Variants in CCDC3 observed in about 807,000 individuals in gnomAD.
The protein encoded by CCDC3 is coiled-coil domain containing 3, also known as coiled-coil domain-containing protein 3.
A neutral mutation model predicts 21.4 loss-of-function variants in CCDC3; 24 were observed. The ratio of observed to expected loss-of-function variants is 1.12; its 90% confidence interval spans 0.81 to 1.58. The LOEUF (loss-of-function observed/expected upper bound fraction) is 1.58, where lower values mean the gene tolerates loss of function less well. Among genes scored for constraint, CCDC3 ranks in the 40% most tolerant of loss-of-function variants. The pLI is 0.00. For missense variants in CCDC3, 425 were observed against 360.9 expected (o/e 1.18, Z -1.44); for synonymous variants, 186 against 166.0 (o/e 1.12, Z -0.93).
intron 2 of CCDC3, among the ~76,000 whole-genome samples, chr10:12,945,192 C>T (rs756853439): frequency 6.6e-6 from 1 of 152,138 alleles, no homozygotes; most frequent in Non-Finnish European, 1.5e-5. Context: ...ATAGGGTTCA[C>T]AACTGCTTGC....
At chr10:12,983,020 A>C (rs556003831) in intron 2 of CCDC3, among the ~76,000 whole-genome samples, 7 of 149,998 alleles carry the variant, frequency 4.7e-5, no homozygotes, top group Admixed American at 3.3e-4. Context: ...GCTGAGGCAC[A>C]AGAATGGCTT....
At position 12,947,715 on chromosome 10, in the gene CCDC3, G is replaced by A. The variant is rs72777417; in HGVS notation, c.550-49036C>T. On this transcript the variant is annotated intron_variant, in intron 2 of 2. Coordinates refer to ENST00000378825, the MANE Select transcript of CCDC3 (RefSeq NM_031455.4). The stretch of plus-strand genomic sequence containing the variant: ...GACTGAGTAGAATACATTGCTAAGA[G>A]TTGGGCTTAGCAGTAACTAATAAAT... Among the ~76,000 whole-genome samples, 940 of 152,362 alleles carry A rather than the reference G, an allele frequency of 6.2e-3. 3 individuals carry two copies. Among genetic ancestry groups the A allele is most frequent in the Middle Eastern group, 0.017 (5 of 294 alleles).
chr10:12,946,483 A>G (rs545575696), intron 2 of CCDC3, among the ~76,000 whole-genome samples: 1 of 152,298 alleles, frequency 6.6e-6, no homozygotes, highest in South Asian at 2.1e-4. Context: ...TAGGCAGCCA[A>G]CTGATCCGAT....
chr10:12,949,544 C>T (rs1214214480), intron 2 of CCDC3, among the ~76,000 whole-genome samples: 1 of 152,204 alleles, frequency 6.6e-6, no homozygotes, highest in Non-Finnish European at 1.5e-5. Context: ...TAAACATCTA[C>T]CTGAGCCAGT....
intron 1 of CCDC3, among the ~76,000 whole-genome samples, chr10:13,000,300 T>G (rs527448858): frequency 2.5e-4 from 38 of 152,194 alleles, no homozygotes; most frequent in Non-Finnish European, 4.6e-4. Flanking sequence ...ACCAAAGAAT[T>G]TAGAGTTCTA....
intron 2 of CCDC3, among the ~76,000 whole-genome samples, chr10:12,961,838 C>T (rs530439262): frequency 3.3e-5 from 5 of 152,270 alleles, no homozygotes; most frequent in Non-Finnish European, 5.9e-5. Context: ...TAGCTAGCTG[C>T]AGGCTGAACT....
At chr10:13,064,643 G>A (rs543356474) in intron 4 of CCDC3, among the ~76,000 whole-genome samples, 12 of 152,196 alleles carry the variant, frequency 7.9e-5, no homozygotes, top group South Asian at 6.2e-4. Flanking sequence ...AAAATTAGCC[G>A]GGTATGGTGG....
intron 5 of CCDC3, among the ~76,000 whole-genome samples, chr10:13,010,923 T>C (rs1835976710): frequency 6.6e-6 from 1 of 152,186 alleles, no homozygotes. Context: ...GGCTCACGCC[T>C]GTAATCCCAG....
At chr10:12,913,135 A>ACTTCTG (rs1834295945) in intron 2 of CCDC3, among the ~76,000 whole-genome samples, 1 of 152,188 alleles carries the variant, frequency 6.6e-6, no homozygotes, top group African/African-American at 2.4e-5. Flanking sequence ...AAATTCCATT[A>ACTTCTG]AGGTTTTTGA....
intron 2 of CCDC3, among the ~76,000 whole-genome samples, chr10:12,984,034 C>G (rs900048921): frequency 4.6e-5 from 7 of 152,094 alleles, no homozygotes; most frequent in Non-Finnish European, 1.0e-4. Context: ...GAGCCAAGAT[C>G]GTGCCACTGC....
At chr10:12,920,367 A>C (rs1238705497) in intron 2 of CCDC3, among the ~76,000 whole-genome samples, 1 of 152,190 alleles carries the variant, frequency 6.6e-6, no homozygotes, top group African/African-American at 2.4e-5. Context: ...GTGGCAGTAC[A>C]ATTCAAGATG....
At chr10:12,997,711 C>G (rs1311470584) in intron 2 of CCDC3, among the ~76,000 whole-genome samples, 1 of 152,192 alleles carries the variant, frequency 6.6e-6, no homozygotes, top group East Asian at 1.9e-4. Context: ...CAGTCAGGAA[C>G]AGTCGTAACG....
intron 2 of CCDC3, among the ~76,000 whole-genome samples, chr10:12,973,401 T>G (rs11258097): frequency 0.01 from 1,531 of 152,244 alleles, 25 homozygotes; most frequent in East Asian, 0.068. Flanking sequence ...GGGGAAGGCC[T>G]GAGCAATGGA....
chr10:12,945,999 A>C (rs985846800), intron 2 of CCDC3, among the ~76,000 whole-genome samples: 1 of 152,168 alleles, frequency 6.6e-6, no homozygotes, highest in Non-Finnish European at 1.5e-5. Context: ...TCATGGGTGC[A>C]TTGGTTAAGG....
chr10:13,054,259 C>T (rs190179598), intron 4 of CCDC3, among the ~76,000 whole-genome samples: 86 of 152,148 alleles, frequency 5.7e-4, no homozygotes, highest in Admixed American at 2.7e-3. Flanking sequence ...CCTCCAATCA[C>T]CTCATCAGGC....
intron 4 of CCDC3, among the ~76,000 whole-genome samples, chr10:13,058,857 G>A (rs17152780): frequency 0.11 from 17,123 of 152,164 alleles, 1,194 homozygotes; most frequent in Admixed American, 0.17. Flanking sequence ...AGGAAGTCCC[G>A]CAGCTAATTA....
intron 2 of CCDC3, among the ~76,000 whole-genome samples, chr10:12,954,610 G>A (rs2131251398): frequency 6.6e-6 from 1 of 152,270 alleles, no homozygotes; most frequent in African/African-American, 2.4e-5. Flanking sequence ...AGAGAAGGGA[G>A]GCACCAGGCT....
In CCDC3 at chr10:12,897,459, A is replaced by G. The variant is rs550579224; in HGVS notation, c.*957T>C. ...TTTGCATAAAGAAGAAGAGATTGGA[A>G]TGGCTGGAATGAGCCCTTTGGGAGC... On this transcript the variant is annotated 3_prime_UTR_variant, in exon 3 of 3. Transcript: ENST00000378825. 5.3e-5 allele frequency: 8 copies of G among 152,356 alleles called. No individual in the cohort carries two copies. In the East Asian group the frequency reaches 1.5e-3, roughly 29 times the overall value. 9.4% of individuals were successfully genotyped at this position (152,356 alleles called of 1,614,324 possible).
At chr10:13,046,614 G>A (rs993920960) in intron 5 of CCDC3, among the ~76,000 whole-genome samples, 8 of 151,810 alleles carry the variant, frequency 5.3e-5, no homozygotes, top group Admixed American at 4.6e-4. Context: ...GGCTGAGGCA[G>A]GAGAATTGCT....
Sources: allele counts gnomAD v4.1 joint callset (sites outside exome capture counted in the v4.1 genomes callset), GRCh38; gene constraint gnomAD v4.1.1; transcripts MANE v1.5; gene names NCBI Gene and HGNC (gene_info 2026-07-23, HGNC 2026-07-21).